ADAMTS12: variants seen among roughly 807,000 people sequenced by gnomAD.
The protein encoded by ADAMTS12 is ADAM metallopeptidase with thrombospondin type 1 motif 12, also known as A disintegrin and metalloproteinase with thrombospondin motifs 12.
A neutral mutation model predicts 167.8 loss-of-function variants in ADAMTS12; 118 were observed. The observed-to-expected ratio is 0.70, with a 90% CI of 0.61 to 0.82. The LOEUF is 0.82. Ranked by LOEUF, ADAMTS12 falls within the 40% of genes least tolerant of loss-of-function variation. The pLI is 0.00. For synonymous variants in ADAMTS12, 704 were observed against 716.9 expected (o/e 0.98, Z 0.29); for missense variants, 1,916 against 1,998.8 (o/e 0.96, Z 0.79).
chr5:33,727,170 T>C (rs544288188), intron 3 of ADAMTS12, among the ~76,000 whole-genome samples: 2 of 152,136 alleles, frequency 1.3e-5, no homozygotes, highest in African/African-American at 4.8e-5. Flanking sequence ...CAAGGCAGGG[T>C]TGGCCCAAGC....
chr5:33,840,078 C>T (rs1416773175), intron 2 of ADAMTS12: 1 of 152,206 alleles, frequency 6.6e-6, no homozygotes, highest in Non-Finnish European at 1.5e-5. Context: ...GCCTAAGGAT[C>T]TCCACTTGCA....
chr5:33,604,583 G>A (rs1426112325), intron 16 of ADAMTS12, among the ~76,000 whole-genome samples: 1 of 147,450 alleles, frequency 6.8e-6, no homozygotes. Context: ...CTCTTGAAGA[G>A]TTTTAGGCCT....
At position 33,811,149 on chromosome 5, in the gene ADAMTS12, G is replaced by A. The variant is rs140402090; in HGVS notation, c.490-59601C>T. ...ACAAAAACATGGGGGCTAATAGTAC[G>A]TACTGTGCCAACTCATAGAGTAATA... On this transcript the variant is annotated intron_variant, in intron 2 of 23. Coordinates refer to ENST00000504830, the MANE Select transcript of ADAMTS12 (RefSeq NM_030955.4). Among the ~76,000 whole-genome samples the A allele has an allele frequency of 2.9e-3, 444 of 152,254 alleles. 5 individuals carry two copies. Among genetic ancestry groups the A allele is most frequent in the African/African-American group, 0.01 (433 of 41,548 alleles).
chr5:33,616,188 C>T lies in ADAMTS12; in HGVS notation c.2144-116G>A, dbSNP rs1052045150. On this transcript the variant is annotated intron_variant, in intron 14 of 23. Transcript: ENST00000504830. Reference sequence around the variant, plus strand: ...GCCTCCCCATCATTTAGTGACCTTGCTGGGTGGCCACTGGAATTGGCAGAA... The same window carrying T: ...GCCTCCCCATCATTTAGTGACCTTGTTGGGTGGCCACTGGAATTGGCAGAA... 7.9e-5 allele frequency: 111 copies of T among 1,406,250 alleles called. 1 individual carries two copies. The Middle Eastern group carries it at 2.2e-3, about 28-fold the overall frequency. The allele number at this position is 1,406,250 out of a possible 1,614,324, so 87.1% of individuals were successfully genotyped here.
chr5:33,678,421 A>C (rs1395025039), intron 5 of ADAMTS12, among the ~76,000 whole-genome samples: 1 of 152,232 alleles, frequency 6.6e-6, no homozygotes, highest in Non-Finnish European at 1.5e-5. Context: ...GTATCGATTA[A>C]ATAGATCTAA....
chr5:33,587,946 C>A (rs1747439570), intron 18 of ADAMTS12, among the ~76,000 whole-genome samples: 1 of 152,186 alleles, frequency 6.6e-6, no homozygotes, highest in South Asian at 2.1e-4. Flanking sequence ...GGGAACATGA[C>A]AATGCCTGAT....
At chr5:33,777,865 T>C (rs925852884) in intron 2 of ADAMTS12, among the ~76,000 whole-genome samples, 2 of 151,982 alleles carry the variant, frequency 1.3e-5, no homozygotes, top group African/African-American at 2.4e-5. Context: ...ATTAGTAAGA[T>C]TTTTTTATAT....
At chr5:33,713,195 C>T (rs1166297836) in intron 3 of ADAMTS12, among the ~76,000 whole-genome samples, 3 of 152,048 alleles carry the variant, frequency 2.0e-5, no homozygotes, top group African/African-American at 4.8e-5. Flanking sequence ...TTAAAAGGGC[C>T]AGTCAGGGAG....
At chr5:33,638,905 C>T (rs536088280) in intron 11 of ADAMTS12, among the ~76,000 whole-genome samples, 3 of 152,162 alleles carry the variant, frequency 2.0e-5, no homozygotes, top group Non-Finnish European at 4.4e-5. Flanking sequence ...AGAGGGGAGA[C>T]GTGAAGAAAC....
chr5:33,822,096 T>G (rs550877960), intron 2 of ADAMTS12, among the ~76,000 whole-genome samples: 1 of 152,322 alleles, frequency 6.6e-6, no homozygotes, highest in Admixed American at 6.5e-5. Flanking sequence ...CCTGGTCTCC[T>G]CTCTATCCTT....
chr5:33,781,320 G>A lies in ADAMTS12; in HGVS notation c.490-29772C>T, dbSNP rs140479294. Among the ~76,000 whole-genome samples the A allele has an allele frequency of 7.5e-3, 1,139 of 152,134 alleles. 18 individuals carry two copies. The highest frequency in any genetic ancestry group is 0.026 in the African/African-American group (1,097 of 41,490). ...ATGGGTCTTAAAATTATTGAACTAA[G>A]AGAAATACCAAGAAGTCATCTAACT... is the stretch of plus-strand genomic sequence containing the variant. On this transcript the variant is annotated intron_variant, in intron 2 of 23. Transcript: ENST00000504830.
chr5:33,711,264 C>T (rs1341383059), intron 3 of ADAMTS12, among the ~76,000 whole-genome samples: 2 of 152,146 alleles, frequency 1.3e-5, no homozygotes, highest in Non-Finnish European at 1.5e-5. Flanking sequence ...TCCAAATTAA[C>T]ATGGTGCTTT....
intron 7 of ADAMTS12, among the ~76,000 whole-genome samples, chr5:33,656,826 C>T (rs532528352): frequency 2.0e-5 from 3 of 152,266 alleles, no homozygotes; most frequent in Admixed American, 6.5e-5. Flanking sequence ...GTTTTATTAT[C>T]GACATGCCAA....
chr5:33,548,946 T>A (rs150991219), intron 21 of ADAMTS12, among the ~76,000 whole-genome samples: 4 of 152,310 alleles, frequency 2.6e-5, no homozygotes, highest in Non-Finnish European at 5.9e-5. Flanking sequence ...AGTATATCCA[T>A]TGGGAGACCA....
chr5:33,739,477 A>ATGTGCATGCATG (rs1744490681), intron 3 of ADAMTS12, among the ~76,000 whole-genome samples: 1 of 152,200 alleles, frequency 6.6e-6, no homozygotes, highest in Non-Finnish European at 1.5e-5. Context: ...GTGTATGTGC[A>ATGTGCATGCATG]TGTGCATGCA....
At position 33,527,092 on chromosome 5, in the gene ADAMTS12, T is replaced by C. The variant is rs1743853588; in HGVS notation, c.*96A>G. ...ATGACCCAAAGCTGAATCTGAAATA[T>C]ATGAAGCAAAACCTCAACGAAGCAG... On this transcript the variant is annotated 3_prime_UTR_variant, in exon 24 of 24. Transcript: ENST00000504830. 11 of 1,456,560 alleles carry C rather than the reference T, an allele frequency of 7.6e-6. No individual in the cohort carries two copies. In the South Asian group the frequency reaches 8.9e-5, roughly 12 times the overall value. 90.2% of individuals were successfully genotyped at this position (1,456,560 alleles called of 1,614,324 possible).
At chr5:33,699,379 A>C (rs907360445) in intron 3 of ADAMTS12, among the ~76,000 whole-genome samples, 5 of 151,776 alleles carry the variant, frequency 3.3e-5, no homozygotes, top group East Asian at 1.9e-4. Flanking sequence ...TAAAAAAAAA[A>C]CCTTGACCTA....
intron 3 of ADAMTS12, among the ~76,000 whole-genome samples, chr5:33,716,992 T>A (rs1414538269): frequency 1.3e-5 from 2 of 152,108 alleles, no homozygotes; most frequent in Admixed American, 1.3e-4. Context: ...ATTTTATTGG[T>A]TTGCAAAAGG....
chr5:33,682,972 G>C, intron 5 of ADAMTS12, 46 bp downstream of exon 5: 1 of 1,514,268 alleles, frequency 6.6e-7, no homozygotes, highest in Non-Finnish European at 9.1e-7. Context: ...AAGAAGGTAG[G>C]AAGTGCGAGG....
Sources: allele counts gnomAD v4.1 joint callset (sites outside exome capture counted in the v4.1 genomes callset), GRCh38; gene constraint gnomAD v4.1.1; transcripts MANE v1.5; gene names NCBI Gene and HGNC (gene_info 2026-07-23, HGNC 2026-07-21).